The following MYO3B variants were observed in gnomAD, a reference collection of about 807,000 sequenced individuals.
The protein encoded by MYO3B is myosin IIIB.
In MYO3B, 156 loss-of-function variants were observed where a neutral mutation model predicts 174.6. The ratio of observed to expected loss-of-function variants is 0.89; its 90% CI spans 0.78 to 1.02. MYO3B has a LOEUF of 1.02. MYO3B is among the 50% of genes least tolerant of loss of function. MYO3B has a pLI of 0.00. For synonymous variants in MYO3B, 563 were observed against 569.1 expected (o/e 0.99, Z 0.15); for missense variants, 1,632 against 1,639.4 (o/e 1.00, Z 0.08).
chr2:170,452,155 G>C (rs1308581664), intron 23 of MYO3B, among the ~76,000 whole-genome samples: 1 of 151,850 alleles, frequency 6.6e-6, no homozygotes, highest in East Asian at 1.9e-4. Context: ...AAGGCTAAAG[G>C]CTTTCCCATA....
chr2:170,563,158 A>ACACACACC (rs1228624683), intron 32 of MYO3B, among the ~76,000 whole-genome samples: 1 of 151,482 alleles, frequency 6.6e-6, no homozygotes, highest in African/African-American at 2.4e-5. Flanking sequence ...ACACACACAC[A>ACACACACC]CCCCAAGAAT....
At position 170,651,681 on chromosome 2, in the gene MYO3B, C is replaced by T; in HGVS notation, c.3787C>T (p.Gln1263Ter). 6.2e-7 allele frequency: 1 copy of T among 1,614,080 alleles called. No individual in the cohort carries two copies. Among genetic ancestry groups the T allele is most frequent in the Non-Finnish European group, 8.5e-7 (1 of 1,179,988 alleles). Reference sequence around the variant, plus strand: ...TCGAACACCTCGCCGACGATGTCAGCAGCCCAAAATGCTGAGTAGCCCTGA... The same window carrying T: ...TCGAACACCTCGCCGACGATGTCAGTAGCCCAAAATGCTGAGTAGCCCTGA... ...KHRTPRRRCQ[Q>*]PKMLSSPEDT... The change falls in exon 33 of 35, where the codon CAG becomes TAG. Residue 1263 changes from glutamine to a stop codon, truncating the protein, a stop_gained. Coordinates refer to ENST00000408978, the MANE Select transcript of MYO3B (RefSeq NM_138995.5). LOFTEE classifies it high-confidence loss of function.
intron 7 of MYO3B, among the ~76,000 whole-genome samples, chr2:170,303,435 A>AT (rs1418378239): frequency 1.3e-5 from 2 of 152,150 alleles, no homozygotes; most frequent in Non-Finnish European, 2.9e-5. Context: ...TCTCATTTAC[A>AT]TTTTTTAAAT....
chr2:170,311,038 G>A (rs904303828), intron 7 of MYO3B, among the ~76,000 whole-genome samples: 4 of 152,102 alleles, frequency 2.6e-5, no homozygotes, highest in African/African-American at 9.7e-5. Flanking sequence ...TGGTTTACGG[G>A]GCTGTTTCCA....
At chr2:170,478,569 T>C (rs1399956460) in intron 25 of MYO3B, among the ~76,000 whole-genome samples, 1 of 82,852 alleles carries the variant, frequency 1.2e-5, no homozygotes, top group Admixed American at 1.5e-4. Flanking sequence ...ACAGGTTTTT[T>C]TGTGTTTTTT....
intron 23 of MYO3B, among the ~76,000 whole-genome samples, chr2:170,460,453 ACTCCAGCCTAGGTGACAG>A (rs1171716332): frequency 1.3e-4 from 17 of 127,688 alleles, no homozygotes; most frequent in Admixed American, 2.1e-4. Flanking sequence ...GCGCCATTGC[ACTCCAGCCTAGGTGACAG>A]AGTAAGACTC....
intron 32 of MYO3B, among the ~76,000 whole-genome samples, chr2:170,608,955 T>C (rs1694981753): frequency 6.6e-6 from 1 of 152,212 alleles, no homozygotes; most frequent in South Asian, 2.1e-4. Flanking sequence ...TTGGAATAAA[T>C]TAATCTGTCA....
chr2:170,471,939 C>T (rs12994585), intron 25 of MYO3B, among the ~76,000 whole-genome samples: 3 of 150,830 alleles, frequency 2.0e-5, no homozygotes, highest in Non-Finnish European at 4.4e-5. Context: ...TGTGGTGAGC[C>T]GAGATCGCGC....
Position 170,587,399 on chromosome 2 carries a change from T to A in MYO3B, c.3733+43411T>A, listed in dbSNP as rs1693554080. Among the ~76,000 whole-genome samples, 3 of 152,220 alleles carry A rather than the reference T, an allele frequency of 2.0e-5. No homozygotes were observed. In the South Asian group the frequency reaches 6.2e-4, roughly 32 times the overall value. ...AAGTGTACAAAACTTATGGCTAATGTTGCCAGTAAGAGGCCACATTGAGTG... is the reference window on the plus strand; with the variant it reads ...AAGTGTACAAAACTTATGGCTAATGATGCCAGTAAGAGGCCACATTGAGTG... On this transcript the variant is annotated intron_variant, in intron 32 of 34. Transcript: ENST00000408978.
intron 25 of MYO3B, among the ~76,000 whole-genome samples, chr2:170,477,635 A>G (rs1242514533): frequency 6.6e-6 from 1 of 151,454 alleles, no homozygotes; most frequent in Non-Finnish European, 1.5e-5. Context: ...TTTGGACCAG[A>G]TAATTCTTTG....
intron 32 of MYO3B, among the ~76,000 whole-genome samples, chr2:170,636,123 C>T (rs929513392): frequency 6.9e-4 from 105 of 152,252 alleles, no homozygotes; most frequent in Non-Finnish European, 1.0e-4. Flanking sequence ...CTGACATATT[C>T]CAGTTACCTT....
chr2:170,336,808 C>T (rs1395993747), intron 8 of MYO3B, among the ~76,000 whole-genome samples: 3 of 152,082 alleles, frequency 2.0e-5, no homozygotes, highest in Non-Finnish European at 4.4e-5. Flanking sequence ...AGCTATGAAC[C>T]TATATTTCAG....
At chr2:170,583,466 G>T (rs1381580403) in intron 32 of MYO3B, among the ~76,000 whole-genome samples, 8 of 151,798 alleles carry the variant, frequency 5.3e-5, no homozygotes, top group African/African-American at 7.3e-5. Flanking sequence ...GGTTTTTTTT[G>T]AATTTTTATT....
chr2:170,218,346 C>T (rs1196951243), intron 6 of MYO3B, among the ~76,000 whole-genome samples: 1 of 151,776 alleles, frequency 6.6e-6, no homozygotes, highest in Non-Finnish European at 1.5e-5. Context: ...ATAGGTTTTA[C>T]AAAACATAAA....
intron 7 of MYO3B, among the ~76,000 whole-genome samples, chr2:170,240,854 A>G (rs954365783): frequency 2.0e-5 from 3 of 152,202 alleles, no homozygotes; most frequent in African/African-American, 4.8e-5. Context: ...CGCAAACCAG[A>G]AATCTCTCCC....
At chr2:170,372,118 C>CA (rs769243145) in intron 9 of MYO3B, among the ~76,000 whole-genome samples, 2,351 of 22,190 alleles carry the variant, frequency 0.11, 717 homozygotes, top group Non-Finnish European at 0.17. Context: ...GACCCTGTCT[C>CA]AAAAAAAAAA....
At chr2:170,503,998 G>A (rs1165477649) in intron 28 of MYO3B, among the ~76,000 whole-genome samples, 1 of 152,110 alleles carries the variant, frequency 6.6e-6, no homozygotes, top group Non-Finnish European at 1.5e-5. Flanking sequence ...AGGCATAATT[G>A]CGTTTATCTA....
chr2:170,246,529 GACACAC>G lies in MYO3B; in HGVS notation c.749+10426_749+10431del, dbSNP rs58936698. Among the ~76,000 whole-genome samples the G allele has an allele frequency of 4.8e-3, 675 of 140,274 alleles. 3 individuals carry two copies. Among genetic ancestry groups the G allele is most frequent in the Middle Eastern group, 0.011 (3 of 276 alleles). The allele number at this position is 140,274 out of a possible 152,430, so 92.0% of individuals were successfully genotyped here. ...ATAAGAAGAGGAAAATTTGGACATG[GACACAC>G]ACACACACACACACACACACACACA... is the stretch of plus-strand genomic sequence containing the variant. On this transcript the variant is annotated intron_variant, in intron 7 of 34. Transcript: ENST00000408978.
chr2:170,305,435 C>CTT (rs1423215490), intron 7 of MYO3B, among the ~76,000 whole-genome samples: 1 of 152,170 alleles, frequency 6.6e-6, no homozygotes, highest in Non-Finnish European at 1.5e-5. Flanking sequence ...CCTCCAGAGG[C>CTT]TTTTCATTTT....
Sources: gnomAD v4.1 joint callset for allele counts (sites outside exome capture counted in the v4.1 genomes callset) on GRCh38, gnomAD v4.1.1 for gene constraint, MANE v1.5 for transcripts, NCBI Gene and HGNC (gene_info 2026-07-23, HGNC 2026-07-21) for gene names.